The following PTPRN2 variants were observed in gnomAD, a reference collection of about 807,000 sequenced individuals.
PTPRN2 encodes the protein protein tyrosine phosphatase receptor type N2.
PTPRN2 carries 74 observed loss-of-function variants against 118.8 expected under a neutral mutation model. The observed-to-expected ratio is 0.62, with a 90% CI of 0.52 to 0.76. PTPRN2 has a LOEUF of 0.76. PTPRN2 is among the 30% of genes least tolerant of loss of function. The pLI is 0.00. For missense variants in PTPRN2, 1,481 were observed against 1,394.4 expected (o/e 1.06, Z -0.99); for synonymous variants, 641 against 608.0 (o/e 1.05, Z -0.80).
intron 12 of PTPRN2, among the ~76,000 whole-genome samples, chr7:157,833,508 C>CGGGG (rs1563154101): frequency 8.6e-5 from 12 of 139,958 alleles, no homozygotes; most frequent in African/African-American, 3.4e-4. Context: ...GCGACGTGGC[C>CGGGG]GGCGCCCATC....
chr7:158,074,190 C>T lies in PTPRN2; in HGVS notation c.1723+7108G>A, dbSNP rs139458479. On this transcript the variant is annotated intron_variant, in intron 11 of 22. Coordinates refer to ENST00000389418, the MANE Select transcript of PTPRN2 (RefSeq NM_002847.5). The stretch of plus-strand genomic sequence containing the variant: ...ACCGTCAGCAAAACCCCCTCCTGCA[C>T]ATCCAGGGTACAGGGCCTTCTGCTG... Among the ~76,000 whole-genome samples, 31 of 152,350 alleles carry T rather than the reference C, an allele frequency of 2.0e-4. No homozygotes were observed. In the East Asian group the frequency reaches 5.8e-3, roughly 28 times the overall value.
chr7:158,154,922 T>C (rs1019632977), intron 6 of PTPRN2, among the ~76,000 whole-genome samples: 2 of 152,082 alleles, frequency 1.3e-5, no homozygotes, highest in Admixed American at 1.3e-4. Flanking sequence ...CATTTGAAGA[T>C]GAAGAGAAAT....
chr7:157,751,326 T>C (rs1434127669), intron 12 of PTPRN2, among the ~76,000 whole-genome samples: 2 of 151,890 alleles, frequency 1.3e-5, no homozygotes, highest in African/African-American at 2.4e-5. Flanking sequence ...GGAGAGCAGG[T>C]GGAAAGAAAA....
chr7:157,981,124 A>G (rs572864873), intron 11 of PTPRN2, among the ~76,000 whole-genome samples: 31 of 152,344 alleles, frequency 2.0e-4, no homozygotes, highest in African/African-American at 7.0e-4. Flanking sequence ...CTCATATACC[A>G]AAGTTGAGTG....
At chr7:158,332,397 A>G (rs1179531717) in intron 2 of PTPRN2, among the ~76,000 whole-genome samples, 106 of 129,430 alleles carry the variant, frequency 8.2e-4, no homozygotes, top group African/African-American at 2.6e-3. Flanking sequence ...GATGTCACTC[A>G]CACCCATACT....
At chr7:158,584,450 A>T (rs755030043) in intron 1 of PTPRN2, among the ~76,000 whole-genome samples, 1 of 152,220 alleles carries the variant, frequency 6.6e-6, no homozygotes, top group African/African-American at 2.4e-5. Context: ...AGAAAAGACC[A>T]TCAGGCTGTC....
intron 9 of PTPRN2, among the ~76,000 whole-genome samples, chr7:158,125,189 C>T (rs1817535005): frequency 1.3e-5 from 2 of 150,934 alleles, no homozygotes; most frequent in South Asian, 4.2e-4. Context: ...TCGAGTCCCT[C>T]CCAGGGCCAC....
rs1804138793 is a variant in PTPRN2 at position 157,990,215 on chromosome 7, G to A, written c.1723+91083C>T. Among the ~76,000 whole-genome samples the A allele has an allele frequency of 2.6e-5, 4 of 151,962 alleles. No individual in the cohort carries two copies. The South Asian group carries it at 6.2e-4, about 24-fold the overall frequency. On this transcript the variant is annotated intron_variant, in intron 11 of 22. Transcript: ENST00000389418. This position sits in a 1 kb window ranked among gnomAD's most constrained non-coding sequence, Gnocchi z 4.3. The stretch of plus-strand genomic sequence containing the variant: ...GAGCGGGCCCAGATAAATAATTCAT[G>A]AGCGCCACCGGGGAAGACCGGGCAC...
chr7:158,270,387 G>C (rs985780153), intron 3 of PTPRN2, among the ~76,000 whole-genome samples: 1 of 152,144 alleles, frequency 6.6e-6, no homozygotes, highest in Non-Finnish European at 1.5e-5. Context: ...ACGCCTCCTT[G>C]GCCCCACTCC....
At chr7:158,492,550 C>G (rs1821536581) in intron 1 of PTPRN2, among the ~76,000 whole-genome samples, 1 of 152,202 alleles carries the variant, frequency 6.6e-6, no homozygotes, top group African/African-American at 2.4e-5. Flanking sequence ...ATTCGTTACT[C>G]CAGAGGACTG....
intron 11 of PTPRN2, among the ~76,000 whole-genome samples, chr7:157,981,065 G>C (rs1011732360): frequency 3.9e-5 from 6 of 152,246 alleles, no homozygotes; most frequent in Admixed American, 6.5e-5. Flanking sequence ...CACTCTGGCT[G>C]TGTTGTCAGG....
chr7:158,297,380 C>T (rs563463822), intron 3 of PTPRN2, among the ~76,000 whole-genome samples: 2 of 152,322 alleles, frequency 1.3e-5, no homozygotes, highest in African/African-American at 2.4e-5. Flanking sequence ...GAAGGGAAGA[C>T]GCCCCTGGAG....
At chr7:157,844,977 C>T (rs977677748) in intron 12 of PTPRN2, among the ~76,000 whole-genome samples, 11 of 152,146 alleles carry the variant, frequency 7.2e-5, no homozygotes, top group Admixed American at 2.6e-4. Flanking sequence ...GCCCTGGACA[C>T]TGGTTTTCCA....
intron 11 of PTPRN2, among the ~76,000 whole-genome samples, chr7:158,050,634 G>A (rs550848382): frequency 1.1e-4 from 16 of 152,266 alleles, no homozygotes; most frequent in East Asian, 9.7e-4. Flanking sequence ...CTCGGGCCCC[G>A]CTCTCCCCCG....
intron 8 of PTPRN2, 135 bp from the exon 9 acceptor site, chr7:158,134,194 CG>C (rs1818619914): frequency 6.0e-6 from 6 of 999,676 alleles, no homozygotes; most frequent in Middle Eastern, 2.2e-4. Context: ...GGGAGGAAGG[CG>C]AAGTGTGTGC....
chr7:157,747,588 G>C (rs1339970118), intron 12 of PTPRN2, among the ~76,000 whole-genome samples: 2 of 118,850 alleles, frequency 1.7e-5, no homozygotes, highest in Non-Finnish European at 3.5e-5. Context: ...TCTCTGAGCT[G>C]TGGGGTGTCC....
At chr7:158,337,167 T>C (rs1429324430) in intron 2 of PTPRN2, among the ~76,000 whole-genome samples, 3 of 150,800 alleles carry the variant, frequency 2.0e-5, no homozygotes, top group African/African-American at 4.9e-5. Context: ...AGGTGACACC[T>C]GCAGACGTCA....
intron 6 of PTPRN2, among the ~76,000 whole-genome samples, chr7:158,150,312 C>A (rs369954471): frequency 2.6e-5 from 4 of 152,242 alleles, no homozygotes; most frequent in Non-Finnish European, 5.9e-5. Context: ...GTAACCAGAA[C>A]ATTCAGCTGA....
chr7:158,002,060 G>A (rs1227451009), intron 11 of PTPRN2, among the ~76,000 whole-genome samples: 2 of 152,218 alleles, frequency 1.3e-5, no homozygotes, highest in African/African-American at 4.8e-5. Context: ...GTCACCTCGG[G>A]TGACATGGGG....
Sources: gnomAD v4.1 joint callset for allele counts (sites outside exome capture counted in the v4.1 genomes callset) on GRCh38, gnomAD v4.1.1 for gene constraint, Gnocchi (gnomAD v3.1) non-coding constraint, MANE v1.5 for transcripts, NCBI Gene and HGNC (gene_info 2026-07-23, HGNC 2026-07-21) for gene names.